Variants in DSCAM observed in about 807,000 individuals in gnomAD.
DSCAM encodes the protein DS cell adhesion molecule.
DSCAM carries 47 observed loss-of-function variants against 217.7 expected under a neutral mutation model. The observed-to-expected ratio is 0.22, with a 90% CI of 0.17 to 0.28. The LOEUF (loss-of-function observed/expected upper bound fraction) is 0.28. DSCAM is among the 10% of genes least tolerant of loss of function. The pLI, the probability that DSCAM is intolerant of heterozygous loss-of-function variation, is 1.00. For synonymous variants in DSCAM, 1,056 were observed against 1,015.3 expected (o/e 1.04, Z -0.76); for missense variants, 2,080 against 2,618.3 (o/e 0.79, Z 4.49).
chr21:40,791,348 T>A (rs1411354420), intron 1 of DSCAM, among the ~76,000 whole-genome samples: 1 of 151,526 alleles, frequency 6.6e-6, no homozygotes, highest in Non-Finnish European at 1.5e-5. Context: ...CTATTTATAT[T>A]GTAAATAGAA....
At chr21:40,081,329 T>C (rs957881686) in intron 24 of DSCAM, among the ~76,000 whole-genome samples, 1 of 152,160 alleles carries the variant, frequency 6.6e-6, no homozygotes, top group Non-Finnish European at 1.5e-5. Flanking sequence ...AAGCATTTTT[T>C]TTCCCTGCAC....
At chr21:40,591,608 G>C in intron 3 of DSCAM, among the ~76,000 whole-genome samples, 1 of 152,246 alleles carries the variant, frequency 6.6e-6, no homozygotes, top group East Asian at 1.9e-4. Context: ...AAATTTCTTG[G>C]AATAATTCTA....
At chr21:40,818,162 G>A (rs185827958) in intron 1 of DSCAM, among the ~76,000 whole-genome samples, 1 of 149,598 alleles carries the variant, frequency 6.7e-6, no homozygotes, top group Non-Finnish European at 1.5e-5. Flanking sequence ...CTTGGGCCTC[G>A]ATGTGGTAAA....
At chr21:40,615,104 G>C (rs372609154) in intron 3 of DSCAM, among the ~76,000 whole-genome samples, 3 of 151,476 alleles carry the variant, frequency 2.0e-5, no homozygotes, top group African/African-American at 7.3e-5. Flanking sequence ...AGAAGTTTGA[G>C]ACCAGCCTGA....
At chr21:40,641,148 T>C (rs941467644) in intron 3 of DSCAM, among the ~76,000 whole-genome samples, 45 of 152,202 alleles carry the variant, frequency 3.0e-4, no homozygotes, top group Admixed American at 1.6e-3. Context: ...ATTTTGCCTC[T>C]TGCCTTTAGT....
chr21:40,252,287 C>G (rs758664407), intron 11 of DSCAM, among the ~76,000 whole-genome samples: 1 of 152,142 alleles, frequency 6.6e-6, no homozygotes, highest in Non-Finnish European at 1.5e-5. Flanking sequence ...TGGCCCTAAT[C>G]TTTGGTAGGG....
chr21:40,124,292 G>T lies in DSCAM; in HGVS notation c.3599C>A (p.Ala1200Asp). The change falls in exon 20 of 33, where the codon GCC becomes GAC. Residue 1200 changes from alanine to aspartate, a missense_variant. By Grantham distance (126) the Ala-to-Asp change is moderately radical. This residue lies in a region of DSCAM where 1,144 missense variants were observed against 1,421.1 expected (regional missense o/e 0.81). Transcript: ENST00000400454. ...GPPAGVKAAAASASMVFVSWL... is the reference protein window; with the variant it reads ...GPPAGVKAAADSASMVFVSWL... ...GGACACAAAGACCATGGAGGCTGAG[G>T]CCGCCGCTGCCTTCACACCCGCGGG... 6.2e-7 allele frequency: 1 copy of T among 1,613,962 alleles called. No homozygotes were observed. The highest frequency in any genetic ancestry group is 8.5e-7 in the Non-Finnish European group (1 of 1,180,032).
intron 11 of DSCAM, among the ~76,000 whole-genome samples, chr21:40,197,109 T>C (rs1282501228): frequency 6.8e-6 from 1 of 147,128 alleles, no homozygotes; most frequent in Non-Finnish European, 1.5e-5. Context: ...CTCCTTAATT[T>C]CTTTCTTTCT....
intron 3 of DSCAM, among the ~76,000 whole-genome samples, chr21:40,433,885 C>T (rs1324835004): frequency 6.6e-6 from 1 of 152,150 alleles, no homozygotes; most frequent in African/African-American, 2.4e-5. Context: ...GATGATGTTA[C>T]ATGAGGTAGG....
chr21:40,156,316 AG>A, intron 16 of DSCAM, among the ~76,000 whole-genome samples: 1 of 149,032 alleles, frequency 6.7e-6, no homozygotes, highest in African/African-American at 2.5e-5. Flanking sequence ...AGAGAGAGAG[AG>A]AGAGAGAGAG....
At chr21:40,174,226 C>G (rs562411394) in intron 15 of DSCAM, among the ~76,000 whole-genome samples, 12 of 152,268 alleles carry the variant, frequency 7.9e-5, no homozygotes, top group Middle Eastern at 6.8e-3. Context: ...ATGGTGTGGT[C>G]TTGGCTTCAT....
intron 1 of DSCAM, among the ~76,000 whole-genome samples, chr21:40,757,035 AT>A (rs1452679629): frequency 6.7e-6 from 1 of 149,182 alleles, no homozygotes; most frequent in Admixed American, 6.7e-5. Context: ...TTTTTATTTT[AT>A]TTTTTTGAGA....
chr21:40,752,883 C>T (rs181981531), intron 1 of DSCAM, among the ~76,000 whole-genome samples: 3 of 152,216 alleles, frequency 2.0e-5, no homozygotes, highest in East Asian at 3.9e-4. Context: ...TCCCCAGAAA[C>T]GTTTAAATAA....
At chr21:40,343,866 AT>A (rs891719232) in intron 6 of DSCAM, among the ~76,000 whole-genome samples, 5 of 149,542 alleles carry the variant, frequency 3.3e-5, no homozygotes, top group African/African-American at 1.2e-4. Context: ...ATTTTATTTT[AT>A]TTTTTATTTT....
chr21:40,297,078 C>G (rs932728790), intron 9 of DSCAM, among the ~76,000 whole-genome samples: 1 of 152,064 alleles, frequency 6.6e-6, no homozygotes, highest in Non-Finnish European at 1.5e-5. Context: ...GATGTCAGCA[C>G]CACGGTGGGC....
In DSCAM at chr21:40,083,948, A is replaced by G; in HGVS notation, c.4191T>C (p.Leu1397=). 6.2e-7 allele frequency: 1 copy of G among 1,613,900 alleles called. No individual in the cohort carries two copies. Among genetic ancestry groups the G allele is most frequent in the Non-Finnish European group, 8.5e-7 (1 of 1,179,906 alleles). The change falls in exon 24 of 33, where the codon CTT becomes CTC. Residue 1397 remains leucine (L), a synonymous_variant. Coordinates refer to ENST00000400454, the MANE Select transcript of DSCAM (RefSeq NM_001389.5). ...CCCCGTTGTCTCCAGGGAGCCAAGAAAGGGTGATGGAGGAAGACGTGGTCT... is the reference window on the plus strand; with the variant it reads ...CCCCGTTGTCTCCAGGGAGCCAAGAGAGGGTGATGGAGGAAGACGTGGTCT... ...VSKTTSSSIT[L]SWLPGDNGGS... is the part of the protein sequence containing the mutation.
rs117826302 is a variant in DSCAM, at chr21:40,365,682, C to T, written c.655+3417G>A. ...AGAGTTGCTCATCTTCTCGGAGTTT[C>T]AGCAATCTCCTCTAAAACTGTCCCT... On this transcript the variant is annotated intron_variant, in intron 4 of 32. Coordinates refer to ENST00000400454, the MANE Select transcript of DSCAM (RefSeq NM_001389.5). Among the ~76,000 whole-genome samples, 13 of 152,266 alleles carry T rather than the reference C, an allele frequency of 8.5e-5. No homozygotes were observed. In the East Asian group the frequency reaches 2.5e-3, roughly 29 times the overall value.
At chr21:40,059,689 TTTTTA>T (rs2089084197) in intron 28 of DSCAM, among the ~76,000 whole-genome samples, 1 of 152,234 alleles carries the variant, frequency 6.6e-6, no homozygotes, top group African/African-American at 2.4e-5. Context: ...AATGTTGAAT[TTTTTA>T]TTTTATTTTT....
intron 3 of DSCAM, among the ~76,000 whole-genome samples, chr21:40,689,110 C>A (rs1414478931): frequency 6.6e-6 from 1 of 152,326 alleles, no homozygotes; most frequent in Non-Finnish European, 1.5e-5. Flanking sequence ...ATAAACTACT[C>A]ATTTGTTTTC....
Sources: gnomAD v4.1 joint callset for allele counts (sites outside exome capture counted in the v4.1 genomes callset) on GRCh38, gnomAD v4.1.1 for gene constraint, gnomAD v4.1.1 regional missense constraint, MANE v1.5 for transcripts, NCBI Gene and HGNC (gene_info 2026-07-23, HGNC 2026-07-21) for gene names.